GALNT2: variants seen among roughly 807,000 people sequenced by gnomAD.
GALNT2 encodes UDP-GalNAc:polypeptide N-acetylgalactosaminyltransferase 2.
Under a neutral mutation model 81.4 loss-of-function variants are expected in GALNT2, and 31 were observed. The observed-to-expected ratio is 0.38, with a 90% CI of 0.29 to 0.51. GALNT2 has a LOEUF of 0.51. Ranked by LOEUF, GALNT2 falls within the 20% of genes least tolerant of loss-of-function variation. The pLI, the probability that GALNT2 is intolerant of heterozygous loss-of-function variation, is 0.87. For synonymous variants in GALNT2, 303 were observed against 287.4 expected (o/e 1.05, Z -0.55); for missense variants, 629 against 765.7 (o/e 0.82, Z 2.11).
rs1403845517 is a variant in GALNT2 at position 230,105,412 on chromosome 1, T to C, written c.126+38006T>C. On this transcript the variant is annotated intron_variant, in intron 1 of 15. Transcript: ENST00000366672. The stretch of plus-strand genomic sequence containing the variant: ...CTACAATGCACATTTCCCCCGCCTC[T>C]CATGTTTTAACATGTCTGAAATCAG... Among the ~76,000 whole-genome samples the C allele has an allele frequency of 1.3e-5, 2 of 152,126 alleles. 1 individual carries two copies. Among genetic ancestry groups the C allele is most frequent in the East Asian group, 3.9e-4 (2 of 5,100 alleles).
chr1:230,173,883 A>G (rs1220191204), intron 1 of GALNT2, among the ~76,000 whole-genome samples: 2 of 152,236 alleles, frequency 1.3e-5, no homozygotes, highest in South Asian at 4.1e-4. Context: ...AGTACAATCA[A>G]TCTGAGTAAG....
In GALNT2 at chr1:230,279,007, G is replaced by A. The variant is rs74525006; in HGVS notation, c.1561-296G>A. ...AATCCTGTGTTAATGACGAAGGGGT[G>A]GGTGCCCAGAGCTCTGGGGCTCAGA... On this transcript the variant is annotated intron_variant, in intron 15 of 15. Coordinates refer to ENST00000366672, the MANE Select transcript of GALNT2 (RefSeq NM_004481.5). The surrounding 1 kb of genome is among the most constrained non-coding windows in gnomAD (Gnocchi z 4.6). Among the ~76,000 whole-genome samples, 2 of 152,080 alleles carry A rather than the reference G, an allele frequency of 1.3e-5. No homozygotes were observed. Among genetic ancestry groups the A allele is most frequent in the African/African-American group, 4.8e-5 (2 of 41,422 alleles).
intron 1 of GALNT2, among the ~76,000 whole-genome samples, chr1:230,121,513 T>C (rs1282453924): frequency 2.6e-5 from 4 of 152,202 alleles, no homozygotes; most frequent in Non-Finnish European, 5.9e-5. Flanking sequence ...TTCTGATGGG[T>C]TACTTCTTTG....
At chr1:230,229,476 C>T (rs1448019179) in intron 3 of GALNT2, among the ~76,000 whole-genome samples, 2 of 152,050 alleles carry the variant, frequency 1.3e-5, no homozygotes, top group Non-Finnish European at 2.9e-5. Context: ...CATGCAGGTC[C>T]GGGCAGGAGT....
intron 1 of GALNT2, among the ~76,000 whole-genome samples, chr1:230,156,480 T>C (rs1322937725): frequency 6.6e-6 from 1 of 152,076 alleles, no homozygotes; most frequent in Non-Finnish European, 1.5e-5. Flanking sequence ...TTTGCGTTTC[T>C]TTACCTTCAA....
At chr1:230,124,878 T>C (rs1242919285) in intron 1 of GALNT2, among the ~76,000 whole-genome samples, 1 of 152,176 alleles carries the variant, frequency 6.6e-6, no homozygotes, top group East Asian at 1.9e-4. Flanking sequence ...ATGTGGTTAG[T>C]AACTCAGGAT....
At chr1:230,087,411 CCA>C (rs1289331078) in intron 1 of GALNT2, among the ~76,000 whole-genome samples, 1 of 152,228 alleles carries the variant, frequency 6.6e-6, no homozygotes, top group Non-Finnish European at 1.5e-5. Context: ...CTGCTGTCCT[CCA>C]CTTCCCCCAT....
chr1:230,197,889 C>T (rs1038796531), intron 2 of GALNT2, among the ~76,000 whole-genome samples: 4 of 152,150 alleles, frequency 2.6e-5, no homozygotes, highest in African/African-American at 4.8e-5. Context: ...TCTGTTCCCC[C>T]GTGCTCCAGC....
chr1:230,172,544 A>G (rs1387441131), intron 1 of GALNT2, among the ~76,000 whole-genome samples: 1 of 152,138 alleles, frequency 6.6e-6, no homozygotes, highest in East Asian at 1.9e-4. Context: ...CTTTTTGCCA[A>G]TCCTCTGGGA....
At chr1:230,163,880 C>T (rs1482976653) in intron 1 of GALNT2, among the ~76,000 whole-genome samples, 1 of 152,150 alleles carries the variant, frequency 6.6e-6, no homozygotes, top group Non-Finnish European at 1.5e-5. Context: ...ATTTAGCTTT[C>T]CCAACCACAT....
intron 1 of GALNT2, among the ~76,000 whole-genome samples, chr1:230,099,012 G>T (rs1338719340): frequency 6.6e-6 from 1 of 152,148 alleles, no homozygotes; most frequent in Non-Finnish European, 1.5e-5. Flanking sequence ...TCCCGATCGC[G>T]CGGAATCACG....
At chr1:230,164,013 CT>C (rs1431880722) in intron 1 of GALNT2, among the ~76,000 whole-genome samples, 1 of 152,136 alleles carries the variant, frequency 6.6e-6, no homozygotes, top group Non-Finnish European at 1.5e-5. Context: ...GTGCTCTTGA[CT>C]TTGTTTTTTT....
At chr1:230,143,624 C>T (rs1275629087) in intron 1 of GALNT2, among the ~76,000 whole-genome samples, 2 of 152,218 alleles carry the variant, frequency 1.3e-5, no homozygotes, top group Non-Finnish European at 2.9e-5. Flanking sequence ...TTTTTCTTGG[C>T]TTTACGCAGC....
chr1:230,173,315 T>C (rs1662856256), intron 1 of GALNT2, among the ~76,000 whole-genome samples: 1 of 152,190 alleles, frequency 6.6e-6, no homozygotes, highest in Non-Finnish European at 1.5e-5. Context: ...CTGTCCCATG[T>C]TTCTCATTTG....
At chr1:230,213,747 T>G (rs930325763) in intron 3 of GALNT2, among the ~76,000 whole-genome samples, 1 of 152,216 alleles carries the variant, frequency 6.6e-6, no homozygotes, top group Non-Finnish European at 1.5e-5. Flanking sequence ...CTCTGTTGGT[T>G]TGCTAAATTC....
intron 1 of GALNT2, among the ~76,000 whole-genome samples, chr1:230,075,757 G>GA (rs772366845): frequency 2.4e-4 from 36 of 152,216 alleles, no homozygotes; most frequent in South Asian, 1.2e-3. Flanking sequence ...GTGTGCTGTG[G>GA]AAAAAATAGA....
At chr1:230,176,100 T>G (rs1662970818) in intron 1 of GALNT2, among the ~76,000 whole-genome samples, 1 of 152,074 alleles carries the variant, frequency 6.6e-6, no homozygotes, top group African/African-American at 2.4e-5. Context: ...CCTAATTATA[T>G]GGGCATGAAC....
At chr1:230,148,376 G>A (rs1661988200) in intron 1 of GALNT2, among the ~76,000 whole-genome samples, 1 of 152,204 alleles carries the variant, frequency 6.6e-6, no homozygotes, top group Admixed American at 6.5e-5. Context: ...TCCTCACTGT[G>A]GACTCCTTTT....
chr1:230,152,068 G>C (rs548864587), intron 1 of GALNT2, among the ~76,000 whole-genome samples: 150 of 152,282 alleles, frequency 9.9e-4, no homozygotes, highest in African/African-American at 3.5e-3. Context: ...ACTGTAGCCT[G>C]TCTTATCAGC....
Sources: gnomAD v4.1 joint callset for allele counts (sites outside exome capture counted in the v4.1 genomes callset) on GRCh38, gnomAD v4.1.1 for gene constraint, Gnocchi (gnomAD v3.1) non-coding constraint, MANE v1.5 for transcripts, NCBI Gene and HGNC (gene_info 2026-07-23, HGNC 2026-07-21) for gene names.